The following DPYD variants were observed in gnomAD, a reference collection of about 807,000 sequenced individuals.
DPYD encodes dihydropyrimidine dehydrogenase [NADP(+)].
DPYD carries 109 observed loss-of-function variants against 116.2 expected under a neutral mutation model. The ratio of observed to expected loss-of-function variants is 0.94; its 90% CI spans 0.80 to 1.10. DPYD has a LOEUF of 1.10. Among genes scored for constraint, DPYD ranks in the 50% least tolerant of loss-of-function variants. The pLI, the probability that DPYD is intolerant of heterozygous loss-of-function variation, is 0.00. For missense variants in DPYD, 1,302 were observed against 1,254.5 expected, an observed-to-expected ratio of 1.04 and a Z score of -0.57; for synonymous variants, 440 against 432.0, an observed-to-expected ratio of 1.02 and a Z score of -0.23.
chr1:97,291,908 CACTG>C (rs960559413), intron 18 of DPYD, among the ~76,000 whole-genome samples: 10 of 152,022 alleles, frequency 6.6e-5, no homozygotes, highest in Admixed American at 3.3e-4. Flanking sequence ...CTAGAATGAT[CACTG>C]ACTAAATTTA....
At chr1:97,269,313 G>A (rs1664427455) in intron 18 of DPYD, among the ~76,000 whole-genome samples, 1 of 152,078 alleles carries the variant, frequency 6.6e-6, no homozygotes, top group South Asian at 2.1e-4. Flanking sequence ...GGCTCTCCCT[G>A]TAGCTCTTGT....
At chr1:97,442,729 G>C (rs182998363) in intron 14 of DPYD, among the ~76,000 whole-genome samples, 14 of 152,154 alleles carry the variant, frequency 9.2e-5, no homozygotes, top group Admixed American at 7.2e-4. Flanking sequence ...TATTTAGTGA[G>C]TTAGTGTTTA....
At chr1:97,256,142 T>G (rs528406068) in intron 18 of DPYD, among the ~76,000 whole-genome samples, 59 of 152,288 alleles carry the variant, frequency 3.9e-4, no homozygotes, top group South Asian at 8.3e-4. Context: ...CGTCTGACAG[T>G]GACTGAATTA....
At chr1:97,808,569 AC>A (rs2101373350) in intron 3 of DPYD, among the ~76,000 whole-genome samples, 1 of 152,204 alleles carries the variant, frequency 6.6e-6, no homozygotes, top group African/African-American at 2.4e-5. Flanking sequence ...TCATCTGTGG[AC>A]AAATGTAGTT....
At chr1:97,177,579 T>C (rs1489713677) in intron 20 of DPYD, among the ~76,000 whole-genome samples, 1 of 147,144 alleles carries the variant, frequency 6.8e-6, no homozygotes, top group Non-Finnish European at 1.5e-5. Flanking sequence ...TTTTTTTTTT[T>C]TTGACATTCC....
Position 97,212,105 on chromosome 1 carries a change from C to T in DPYD, c.2443-18857G>A, listed in dbSNP as rs554912442. On this transcript the variant is annotated intron_variant, in intron 19 of 22. Coordinates refer to ENST00000370192, the MANE Select transcript of DPYD (RefSeq NM_000110.4). ...CATAGCATAAAACTCGCCCACTATA[C>T]GTGTGCAAGGCAATGATATTTTTGT... 2.1e-3 allele frequency among the ~76,000 whole-genome samples: 299 copies of T among 141,978 alleles called. 1 individual carries two copies. Among genetic ancestry groups the T allele is most frequent in the Non-Finnish European group, 3.8e-3 (253 of 65,874 alleles). The allele number at this position is 141,978 out of a possible 152,430, so 93.1% of individuals were successfully genotyped here.
At chr1:97,580,793 C>CA (rs1653599072) in intron 10 of DPYD, among the ~76,000 whole-genome samples, 1 of 152,148 alleles carries the variant, frequency 6.6e-6, no homozygotes. Flanking sequence ...CTGTCTTCTG[C>CA]AAGAATCCTG....
chr1:97,296,946 C>G (rs902061415), intron 18 of DPYD, among the ~76,000 whole-genome samples: 1 of 152,046 alleles, frequency 6.6e-6, no homozygotes, highest in Non-Finnish European at 1.5e-5. Flanking sequence ...AATGCTGAAA[C>G]AATTTCATTT....
At chr1:97,737,961 A>G (rs980950421) in intron 4 of DPYD, among the ~76,000 whole-genome samples, 3 of 152,156 alleles carry the variant, frequency 2.0e-5, no homozygotes, top group Admixed American at 6.6e-5. Flanking sequence ...GCTTTTCTGT[A>G]ACACATAGTA....
chr1:97,642,585 A>G (rs1031607810), intron 8 of DPYD, among the ~76,000 whole-genome samples: 1 of 152,056 alleles, frequency 6.6e-6, no homozygotes, highest in African/African-American at 2.4e-5. Flanking sequence ...TTTTACAAAA[A>G]TTAGCTCAAG....
At chr1:97,253,836 C>T (rs1445372771) in intron 18 of DPYD, among the ~76,000 whole-genome samples, 1 of 151,998 alleles carries the variant, frequency 6.6e-6, no homozygotes. Flanking sequence ...TCTTCTTGCT[C>T]TTATAAAAAT....
chr1:97,705,319 T>C (rs979311194), intron 5 of DPYD, among the ~76,000 whole-genome samples: 2 of 152,068 alleles, frequency 1.3e-5, no homozygotes, highest in African/African-American at 4.8e-5. Context: ...TGTGTGGTGT[T>C]CCCCTTCCTG....
At chr1:97,542,826 A>T (rs1457755577) in intron 12 of DPYD, among the ~76,000 whole-genome samples, 1 of 152,206 alleles carries the variant, frequency 6.6e-6, no homozygotes, top group African/African-American at 2.4e-5. Flanking sequence ...AGATTGATGG[A>T]TGTATGTGGA....
chr1:97,190,930 G>C (rs928836096), intron 20 of DPYD, among the ~76,000 whole-genome samples: 2 of 152,164 alleles, frequency 1.3e-5, no homozygotes, highest in South Asian at 2.1e-4. Flanking sequence ...GATACTTCTA[G>C]AGTGTCTTTC....
chr1:97,839,167 CCTTT>C, intron 2 of DPYD, among the ~76,000 whole-genome samples: 1 of 152,294 alleles, frequency 6.6e-6, no homozygotes, highest in South Asian at 2.1e-4. Context: ...AACCTTCCTT[CCTTT>C]CACAGTATAC....
chr1:97,609,419 G>C (rs1487081978), intron 8 of DPYD, among the ~76,000 whole-genome samples: 1 of 151,872 alleles, frequency 6.6e-6, no homozygotes, highest in South Asian at 2.1e-4. Flanking sequence ...ACCACTAACT[G>C]TCTTAAATAT....
At chr1:97,712,789 C>A (rs889490455) in intron 5 of DPYD, among the ~76,000 whole-genome samples, 15 of 152,038 alleles carry the variant, frequency 9.9e-5, no homozygotes, top group Non-Finnish European at 1.6e-4. Flanking sequence ...GACACATGCC[C>A]ACAATACCTG....
At chr1:97,857,247 A>C (rs1413432661) in intron 2 of DPYD, among the ~76,000 whole-genome samples, 2 of 152,164 alleles carry the variant, frequency 1.3e-5, no homozygotes, top group Non-Finnish European at 2.9e-5. Context: ...GAAGTGAGTC[A>C]ATTTCCTAGC....
intron 14 of DPYD, among the ~76,000 whole-genome samples, chr1:97,393,693 T>C (rs111316699): frequency 0.073 from 11,122 of 152,142 alleles, 496 homozygotes; most frequent in African/African-American, 0.12. Flanking sequence ...CAGTCTATCA[T>C]TGATGGACAT....
Sources: allele counts gnomAD v4.1 joint callset (sites outside exome capture counted in the v4.1 genomes callset), GRCh38; gene constraint gnomAD v4.1.1; transcripts MANE v1.5; gene names NCBI Gene and HGNC (gene_info 2026-07-23, HGNC 2026-07-21).